The following CACNA2D1 variants were observed in gnomAD, a reference collection of about 807,000 sequenced individuals.
CACNA2D1 encodes voltage-dependent calcium channel subunit alpha-2/delta-1.
CACNA2D1 carries 53 observed loss-of-function variants against 171.5 expected under a neutral mutation model. The observed-to-expected ratio is 0.31, with a 90% CI of 0.25 to 0.39. The LOEUF (loss-of-function observed/expected upper bound fraction) is 0.39. CACNA2D1 is among the 10% of genes least tolerant of loss of function. The pLI, the probability that CACNA2D1 is intolerant of heterozygous loss-of-function variation, is 1.00. For missense variants in CACNA2D1, 903 were observed against 1,299.8 expected, an observed-to-expected ratio of 0.69 and a Z score of 4.69; for synonymous variants, 442 against 443.1, an observed-to-expected ratio of 1.00 and a Z score of 0.03.
intron 5 of CACNA2D1, among the ~76,000 whole-genome samples, chr7:82,121,482 T>G (rs1789728160): frequency 6.6e-6 from 1 of 152,198 alleles, no homozygotes; most frequent in African/African-American, 2.4e-5. Flanking sequence ...CAGTCAGTTG[T>G]TCTAAGTCAA....
At chr7:82,301,942 T>A (rs1279092026) in intron 3 of CACNA2D1, among the ~76,000 whole-genome samples, 1 of 152,024 alleles carries the variant, frequency 6.6e-6, no homozygotes, top group Non-Finnish European at 1.5e-5. Flanking sequence ...TATTTTTTAG[T>A]AGAGATGGGG....
intron 3 of CACNA2D1, among the ~76,000 whole-genome samples, chr7:82,207,008 C>T (rs555796301): frequency 2.4e-4 from 36 of 152,142 alleles, no homozygotes; most frequent in African/African-American, 8.2e-4. Context: ...GCAAAAACTC[C>T]CTTTCCTGGT....
At chr7:82,092,230 C>T (rs73706222) in intron 6 of CACNA2D1, among the ~76,000 whole-genome samples, 2 of 152,146 alleles carry the variant, frequency 1.3e-5, no homozygotes, top group Non-Finnish European at 2.9e-5. Flanking sequence ...ACACTCACAT[C>T]ATAAGATATT....
chr7:82,005,216 G>T, intron 18 of CACNA2D1: 1 of 529,850 alleles, frequency 1.9e-6, no homozygotes, highest in South Asian at 2.5e-5. Flanking sequence ...AAATGTTGCA[G>T]CTAAATTGGT....
intron 3 of CACNA2D1, among the ~76,000 whole-genome samples, chr7:82,297,434 T>C (rs544458409): frequency 1.1e-4 from 17 of 152,286 alleles, no homozygotes; most frequent in Admixed American, 9.8e-4. Flanking sequence ...TTTCAGTTGG[T>C]AACTTCACAT....
intron 1 of CACNA2D1, among the ~76,000 whole-genome samples, chr7:82,437,197 CA>C (rs1254971913): frequency 1.3e-5 from 2 of 151,876 alleles, no homozygotes; most frequent in Non-Finnish European, 2.9e-5. Context: ...ATGTTATATA[CA>C]AATAATAATG....
chr7:82,432,228 G>A (rs1303563311), intron 1 of CACNA2D1, among the ~76,000 whole-genome samples: 1 of 152,086 alleles, frequency 6.6e-6, no homozygotes, highest in South Asian at 2.1e-4. Context: ...AGAGAAAAAA[G>A]AGCAAAGTCA....
At chr7:82,087,157 T>C (rs992402195) in intron 6 of CACNA2D1, among the ~76,000 whole-genome samples, 2 of 152,126 alleles carry the variant, frequency 1.3e-5, no homozygotes, top group African/African-American at 4.8e-5. Flanking sequence ...GTTTATAAAT[T>C]TGATATACCC....
rs561239959 is a variant in CACNA2D1 at position 82,152,916 on chromosome 7, A to G, written c.355-16240T>C. On this transcript the variant is annotated intron_variant, in intron 4 of 38. Coordinates refer to ENST00000356860, the MANE Select transcript of CACNA2D1 (RefSeq NM_000722.4). ...TGAAACATACTAAGGCAATATCAAA[A>G]TGGCTGCATTGGTAATTTAGTAATT... 3.3e-5 allele frequency among the ~76,000 whole-genome samples: 5 copies of G among 151,932 alleles called. No homozygotes were observed. The South Asian group carries it at 6.3e-4, about 19-fold the overall frequency.
At chr7:82,070,718 G>C (rs1243189928) in intron 7 of CACNA2D1, among the ~76,000 whole-genome samples, 2 of 152,314 alleles carry the variant, frequency 1.3e-5, no homozygotes, top group Admixed American at 1.3e-4. Context: ...AAAGGTGGGA[G>C]AAATGTAGTC....
chr7:82,177,693 C>G (rs1025001177), intron 3 of CACNA2D1, among the ~76,000 whole-genome samples: 1 of 151,984 alleles, frequency 6.6e-6, no homozygotes, highest in Non-Finnish European at 1.5e-5. Flanking sequence ...ACAAACCTAC[C>G]TATTCCTTCA....
intron 2 of CACNA2D1, among the ~76,000 whole-genome samples, chr7:82,336,049 T>C (rs968602414): frequency 6.6e-6 from 1 of 152,144 alleles, no homozygotes; most frequent in Non-Finnish European, 1.5e-5. Flanking sequence ...ACAGTGTTTG[T>C]GGCTGGAGGG....
rs188682485 is a variant in CACNA2D1, at chr7:82,041,200, G to T, written c.880-2965C>A. Among the ~76,000 whole-genome samples, 284 of 152,108 alleles carry T rather than the reference G, an allele frequency of 1.9e-3. 1 individual carries two copies. The highest frequency in any genetic ancestry group is 5.9e-3 in the African/African-American group (244 of 41,500). ...TCAAGAAAAGTCTATTTTAAAGCTA[G>T]GGGTCACTCAAGCATAAGAAGACTG... is the stretch of plus-strand genomic sequence containing the variant. On this transcript the variant is annotated intron_variant, in intron 10 of 38. Coordinates refer to ENST00000356860, the MANE Select transcript of CACNA2D1 (RefSeq NM_000722.4).
intron 1 of CACNA2D1, among the ~76,000 whole-genome samples, chr7:82,405,785 G>A (rs1438534509): frequency 6.6e-6 from 1 of 152,118 alleles, no homozygotes; most frequent in Non-Finnish European, 1.5e-5. Context: ...TGGGTTTATA[G>A]TTTAGATGCC....
rs1803518125 is a variant in CACNA2D1, at chr7:82,038,024, C to G, written c.1038+53G>C. The stretch of plus-strand genomic sequence containing the variant: ...TAGTAACTATCAGAATATTGAAATT[C>G]AGATACTACAATTGAACAACAACAA... On this transcript the variant is annotated intron_variant, in intron 11 of 38. Transcript: ENST00000356860. The G allele has an allele frequency of 6.4e-6, 10 of 1,552,644 alleles. No homozygotes were observed. The Admixed American group carries it at 1.5e-4, about 23-fold the overall frequency.
chr7:82,326,490 T>C (rs1816664200), intron 3 of CACNA2D1, among the ~76,000 whole-genome samples: 1 of 152,334 alleles, frequency 6.6e-6, no homozygotes, highest in African/African-American at 2.4e-5. Flanking sequence ...AAAACAACTA[T>C]ATGTACTTTG....
chr7:82,231,783 A>C (rs1222313070), intron 3 of CACNA2D1, among the ~76,000 whole-genome samples: 1 of 152,106 alleles, frequency 6.6e-6, no homozygotes, highest in African/African-American at 2.4e-5. Context: ...ATAAATGTTT[A>C]CATTTTTTCC....
At position 82,434,534 on chromosome 7, in the gene CACNA2D1, C is replaced by G. The variant is rs1341639398; in HGVS notation, c.95+8831G>C. Among the ~76,000 whole-genome samples the G allele has an allele frequency of 2.6e-5, 4 of 152,042 alleles. No homozygotes were observed. The East Asian group carries it at 5.8e-4, about 22-fold the overall frequency. On this transcript the variant is annotated intron_variant, in intron 1 of 38. Coordinates refer to ENST00000356860, the MANE Select transcript of CACNA2D1 (RefSeq NM_000722.4). ...TCCTCTCACTCCTCCCACTCTCCAC[C>G]CTCTGAAAGGTCCCAGTGTGTGTTG...
intron 10 of CACNA2D1, among the ~76,000 whole-genome samples, chr7:82,046,436 T>C (rs1804568724): frequency 2.0e-5 from 3 of 152,152 alleles, no homozygotes; most frequent in Admixed American, 2.0e-4. Flanking sequence ...TGGTCCATTG[T>C]ATAAAAAAAG....
Sources: gnomAD v4.1 joint callset for allele counts (sites outside exome capture counted in the v4.1 genomes callset) on GRCh38, gnomAD v4.1.1 for gene constraint, MANE v1.5 for transcripts, NCBI Gene and HGNC (gene_info 2026-07-23, HGNC 2026-07-21) for gene names.